The following TBXAS1 variants were observed in gnomAD, a reference collection of about 807,000 sequenced individuals.
The protein encoded by TBXAS1 is thromboxane A synthase 1.
TBXAS1 carries 48 observed loss-of-function variants against 60.7 expected under a neutral mutation model. The observed-to-expected ratio is 0.79, with a 90% CI of 0.63 to 1.01. The LOEUF (loss-of-function observed/expected upper bound fraction) is 1.01. Ranked by LOEUF, TBXAS1 falls within the 50% of genes least tolerant of loss-of-function variation. The pLI is 0.00. For missense variants in TBXAS1, 685 were observed against 686.3 expected (o/e 1.00, Z 0.02); for synonymous variants, 287 against 269.7 (o/e 1.06, Z -0.63).
At chr7:139,880,409 C>T (rs554099197) in intron 3 of TBXAS1, among the ~76,000 whole-genome samples, 27 of 152,276 alleles carry the variant, frequency 1.8e-4, no homozygotes, top group African/African-American at 5.5e-4. Context: ...ACCTCATATA[C>T]TCCCATCAGA....
intron 4 of TBXAS1, among the ~76,000 whole-genome samples, chr7:139,805,742 C>A (rs1797855546): frequency 8.0e-6 from 1 of 124,968 alleles, no homozygotes; most frequent in African/African-American, 3.0e-5. Flanking sequence ...TTCTTTCTTT[C>A]TTTCTTTCTT....
intron 4 of TBXAS1, among the ~76,000 whole-genome samples, chr7:139,922,832 C>T (rs145830084): frequency 2.6e-5 from 4 of 151,986 alleles, no homozygotes; most frequent in Non-Finnish European, 4.4e-5. Flanking sequence ...TTTTTTTTCT[C>T]TGTATTAATA....
intron 1 of TBXAS1, among the ~76,000 whole-genome samples, chr7:139,855,684 G>C (rs1044019520): frequency 3.3e-5 from 5 of 152,136 alleles, no homozygotes; most frequent in African/African-American, 1.2e-4. Context: ...CTGGAGCAAG[G>C]GGAAGTACTA....
intron 4 of TBXAS1, among the ~76,000 whole-genome samples, chr7:139,821,297 G>A (rs1270539853): frequency 2.0e-5 from 3 of 152,186 alleles, no homozygotes; most frequent in Non-Finnish European, 2.9e-5. Context: ...CTGTAGGCTG[G>A]TTGTCAGAGG....
At chr7:139,946,349 G>T (rs1808713461) in intron 5 of TBXAS1, among the ~76,000 whole-genome samples, 1 of 152,152 alleles carries the variant, frequency 6.6e-6, no homozygotes, top group Non-Finnish European at 1.5e-5. Context: ...CAAAAGAAAA[G>T]AAAAGAGGCC....
Position 139,916,943 on chromosome 7 carries a change from A to C in TBXAS1, c.333+5622A>C, listed in dbSNP as rs970179939. On this transcript the variant is annotated intron_variant, in intron 4 of 12. Coordinates refer to ENST00000448866, the MANE Select transcript of TBXAS1 (RefSeq NM_001061.7). The surrounding 1 kb of genome is among the most constrained non-coding windows in gnomAD (Gnocchi z 4.2). ...ACCTGTAACCACTGACAGTTTTTGA[A>C]AACTGTTCACCTGGAGTTCCTGGTT... Among the ~76,000 whole-genome samples, 3 of 152,216 alleles carry C rather than the reference A, an allele frequency of 2.0e-5. No individual in the cohort carries two copies. The highest frequency in any genetic ancestry group is 7.2e-5 in the African/African-American group (3 of 41,444).
rs541735230 is a variant in TBXAS1 at position 139,845,338 on chromosome 7, C to T, written c.89+15859C>T. 5.9e-5 allele frequency among the ~76,000 whole-genome samples: 9 copies of T among 152,228 alleles called. No individual in the cohort carries two copies. The East Asian group carries it at 1.4e-3, about 23-fold the overall frequency. On this transcript the variant is annotated intron_variant, in intron 1 of 12. Coordinates refer to ENST00000448866, the MANE Select transcript of TBXAS1 (RefSeq NM_001061.7). ...CTGCCCCTCTGCAGGTTTAACTCCC[C>T]TCGCTTCTCACCTGGTGCCTGGCTC...
At chr7:139,997,316 TA>T (rs1813366259) in intron 9 of TBXAS1, among the ~76,000 whole-genome samples, 1 of 152,226 alleles carries the variant, frequency 6.6e-6, no homozygotes, top group Admixed American at 6.5e-5. Context: ...CTAGGTGATT[TA>T]ACTATCACTT....
At chr7:139,909,933 C>T (rs1037005767) in intron 3 of TBXAS1, among the ~76,000 whole-genome samples, 1 of 152,194 alleles carries the variant, frequency 6.6e-6, no homozygotes, top group East Asian at 1.9e-4. Context: ...CCCAAGCAGG[C>T]TTGTCCCTGG....
chr7:139,851,914 T>C (rs1473423438), intron 1 of TBXAS1, among the ~76,000 whole-genome samples: 2 of 151,982 alleles, frequency 1.3e-5, no homozygotes, highest in Non-Finnish European at 2.9e-5. Context: ...ACAGCAGAGG[T>C]GATGGTGTTA....
chr7:139,806,455 G>A (rs1217897771), intron 4 of TBXAS1, among the ~76,000 whole-genome samples: 1 of 150,554 alleles, frequency 6.6e-6, no homozygotes, highest in Non-Finnish European at 1.5e-5. Flanking sequence ...TAGAGACAGG[G>A]TTTTGCCATG....
At chr7:139,871,382 GAACT>G (rs1801813957) in intron 1 of TBXAS1, among the ~76,000 whole-genome samples, 3 of 152,300 alleles carry the variant, frequency 2.0e-5, no homozygotes, top group Admixed American at 2.0e-4. Flanking sequence ...TAATTTTGCT[GAACT>G]AACTGAACTT....
intron 2 of TBXAS1, among the ~76,000 whole-genome samples, chr7:139,781,567 C>T (rs1284926730): frequency 1.3e-5 from 2 of 152,178 alleles, no homozygotes; most frequent in Non-Finnish European, 2.9e-5. Flanking sequence ...TGCTGTGGCT[C>T]ACGCCTGTAA....
chr7:139,928,272 G>A (rs1807047425), intron 4 of TBXAS1, among the ~76,000 whole-genome samples: 1 of 152,168 alleles, frequency 6.6e-6, no homozygotes, highest in Non-Finnish European at 1.5e-5. Context: ...TTCTGTTAAT[G>A]CAACAAGTTA....
chr7:139,951,839 GA>G lies in TBXAS1; in HGVS notation c.451-1526del, dbSNP rs1455490228. 4.3e-3 allele frequency among the ~76,000 whole-genome samples: 71 copies of G among 16,506 alleles called. 8 individuals carry two copies. Among genetic ancestry groups the G allele is most frequent in the East Asian group, 0.032 (21 of 666 alleles). The allele number at this position is 16,506 out of a possible 152,430, so 10.8% of individuals were successfully genotyped here. ...AAGAAGGAAAGAAAGAGGAAAGAAA[GA>G]AAGAAGGAAGGAAGGAAGGAAAGAA... On this transcript the variant is annotated intron_variant, in intron 5 of 12. Coordinates refer to ENST00000448866, the MANE Select transcript of TBXAS1 (RefSeq NM_001061.7).
chr7:139,863,397 G>A (rs1387854314), intron 1 of TBXAS1, among the ~76,000 whole-genome samples: 1 of 152,060 alleles, frequency 6.6e-6, no homozygotes, highest in Non-Finnish European at 1.5e-5. Flanking sequence ...AAGATTATAA[G>A]CGGTTCCTTA....
In TBXAS1 at chr7:140,005,544, C is replaced by T. The variant is rs1295969107; in HGVS notation, c.1135-1547C>T. On this transcript the variant is annotated intron_variant, in intron 9 of 12. Coordinates refer to ENST00000448866, the MANE Select transcript of TBXAS1 (RefSeq NM_001061.7). Reference sequence around the variant, plus strand: ...TGGTCACTTGCTCAGCCAGCTGCCCCAGTGGCCTGTGATGGGAGTGGGAAG... The same window carrying T: ...TGGTCACTTGCTCAGCCAGCTGCCCTAGTGGCCTGTGATGGGAGTGGGAAG... 3.3e-5 allele frequency among the ~76,000 whole-genome samples: 5 copies of T among 152,218 alleles called. No homozygotes were observed. In the East Asian group the frequency reaches 9.6e-4, roughly 29 times the overall value.
chr7:139,922,977 C>T (rs578228499), intron 4 of TBXAS1, among the ~76,000 whole-genome samples: 1 of 152,248 alleles, frequency 6.6e-6, no homozygotes, highest in East Asian at 1.9e-4. Context: ...TTTGTTTATC[C>T]TTGCACCAAT....
intron 1 of TBXAS1, among the ~76,000 whole-genome samples, chr7:139,844,972 A>AT (rs2116603642): frequency 6.6e-6 from 1 of 151,120 alleles, no homozygotes; most frequent in African/African-American, 2.5e-5. Flanking sequence ...GCATTGGCAC[A>AT]TTTTCCCCCA....
Sources: allele counts gnomAD v4.1 joint callset (sites outside exome capture counted in the v4.1 genomes callset), GRCh38; gene constraint gnomAD v4.1.1; non-coding constraint Gnocchi (gnomAD v3.1); transcripts MANE v1.5; gene names NCBI Gene and HGNC (gene_info 2026-07-23, HGNC 2026-07-21).